EPC1: variants seen among roughly 807,000 people sequenced by gnomAD.
EPC1 encodes enhancer of polycomb homolog 1.
A neutral mutation model predicts 98.4 loss-of-function variants in EPC1; 12 were observed. That is an observed-to-expected ratio of 0.12 (90% CI 0.08 to 0.20). The LOEUF is 0.20. Among genes scored for constraint, EPC1 ranks in the 10% least tolerant of loss-of-function variants. EPC1 has a pLI of 1.00. For missense variants in EPC1, 729 were observed against 990.5 expected, an observed-to-expected ratio of 0.74 and a Z score of 3.54; for synonymous variants, 357 against 363.9, an observed-to-expected ratio of 0.98 and a Z score of 0.21.
At chr10:32,300,273 C>T (rs981221992) in intron 2 of EPC1, among the ~76,000 whole-genome samples, 6 of 151,432 alleles carry the variant, frequency 4.0e-5, no homozygotes, top group Non-Finnish European at 7.4e-5. Flanking sequence ...ACTTTAAGTT[C>T]TAGGGTACAT....
rs146155396 is a variant in EPC1, at chr10:32,273,379, T to C, written c.1745-98A>G. 137 of 1,415,508 alleles carry C rather than the reference T, an allele frequency of 9.7e-5. 1 individual carries two copies. The East Asian group carries it at 3.0e-3, about 31-fold the overall frequency. The allele number at this position is 1,415,508 out of a possible 1,614,324, so 87.7% of individuals were successfully genotyped here. ...AATTCTGCATTAAATCTGTGCAAAA[T>C]TGAAGCATCTGACAAAGGATCATGA... On this transcript the variant is annotated intron_variant, in intron 10 of 13. Coordinates refer to ENST00000319778, the MANE Select transcript of EPC1 (RefSeq NM_001272004.3).
rs1564525761 is a variant in EPC1 at position 32,287,223 on chromosome 10, T to C, written c.1027A>G (p.Lys343Glu). 6.2e-7 allele frequency: 1 copy of C among 1,614,152 alleles called. No homozygotes were observed. The highest frequency in any genetic ancestry group is 8.5e-7 in the Non-Finnish European group (1 of 1,180,034). ...GCAGCGGCAGACGATGGTAAGACTT[T>C]GGGCTTCTTTTCATATTTCCGTTTC... ...RPKRKYEKKP[K>E]VLPSSAAATP... The change falls in exon 7 of 14, where the codon AAA (lysine) becomes GAA (glutamate). Residue 343 changes from lysine to glutamate, a missense_variant. This residue lies in a region of EPC1 where 390 missense variants were observed against 438.6 expected (regional missense o/e 0.89). Transcript: ENST00000319778.
chr10:32,303,621 G>A (rs1365223751), intron 2 of EPC1, among the ~76,000 whole-genome samples: 2 of 152,216 alleles, frequency 1.3e-5, no homozygotes, highest in Non-Finnish European at 2.9e-5. Context: ...GATAACAGAT[G>A]AGTGATGGTC....
At chr10:32,280,713 G>A (rs767435912) in intron 10 of EPC1, among the ~76,000 whole-genome samples, 6 of 152,096 alleles carry the variant, frequency 3.9e-5, no homozygotes, top group Non-Finnish European at 8.8e-5. Flanking sequence ...ACTCCAGCCT[G>A]GGAGACAGAG....
At chr10:32,281,211 T>A (rs2132676876) in intron 10 of EPC1, among the ~76,000 whole-genome samples, 2 of 152,260 alleles carry the variant, frequency 1.3e-5, no homozygotes, top group Middle Eastern at 6.8e-3. Flanking sequence ...ATTTTTGTAT[T>A]TTTAATAGAA....
Position 32,284,769 on chromosome 10 carries a change from G to A in EPC1, c.1673C>T (p.Thr558Ile), listed in dbSNP as rs375077248. Residue 558 changes from threonine (T) to isoleucine (I), a missense_variant, in exon 10 of 14, where the codon ACA (threonine) becomes ATA (isoleucine). This residue lies in a region of EPC1 where 390 missense variants were observed against 438.6 expected (regional missense o/e 0.89). Coordinates refer to ENST00000319778, the MANE Select transcript of EPC1 (RefSeq NM_001272004.3). ...KLYRSINRTG[T>I]AQPGTQTCST... Reference sequence around the variant, plus strand: ...GCATGTCTGGGTCCCAGGTTGTGCTGTTCCTGTTCGGTTTATACTCCTATA... The same window carrying A: ...GCATGTCTGGGTCCCAGGTTGTGCTATTCCTGTTCGGTTTATACTCCTATA... 3 of 1,614,172 alleles carry A rather than the reference G, an allele frequency of 1.9e-6. No individual in the cohort carries two copies. Among genetic ancestry groups the A allele is most frequent in the Non-Finnish European group, 2.5e-6 (3 of 1,180,024 alleles).
At chr10:32,370,251 G>A (rs1839708919) in intron 1 of EPC1, among the ~76,000 whole-genome samples, 1 of 152,134 alleles carries the variant, frequency 6.6e-6, no homozygotes, top group African/African-American at 2.4e-5. Flanking sequence ...TGGTTTCACT[G>A]TCATTAATCT....
rs150578990 is a variant in EPC1, at chr10:32,362,528, A to C, written c.3+15963T>G. 5.3e-5 allele frequency among the ~76,000 whole-genome samples: 8 copies of C among 152,210 alleles called. No homozygotes were observed. In the East Asian group the frequency reaches 1.5e-3, roughly 29 times the overall value. Reference sequence around the variant, plus strand: ...CATTCCCACTTTACCTTCCACCATGACTATGTTTCCTAAGGCCTCCCCGGA... The same window carrying C: ...CATTCCCACTTTACCTTCCACCATGCCTATGTTTCCTAAGGCCTCCCCGGA... On this transcript the variant is annotated intron_variant, in intron 1 of 13. Transcript: ENST00000375110.
At chr10:32,338,306 A>C (rs1398178810) in intron 1 of EPC1, among the ~76,000 whole-genome samples, 1 of 152,088 alleles carries the variant, frequency 6.6e-6, no homozygotes, top group East Asian at 1.9e-4. Context: ...TGGCTCCTCA[A>C]AATATATCTC....
intron 10 of EPC1, chr10:32,281,976 TTTG>T (rs1252847844): frequency 6.7e-6 from 1 of 149,398 alleles, no homozygotes; most frequent in Admixed American, 6.8e-5. Context: ...TGGCCTAAAT[TTTG>T]TTTTTTTTTT....
chr10:32,336,327 C>T (rs1403183204), intron 1 of EPC1, among the ~76,000 whole-genome samples: 2 of 152,198 alleles, frequency 1.3e-5, no homozygotes, highest in East Asian at 3.9e-4. Context: ...CTCGGCTTCT[C>T]AAAGTGCTGG....
At chr10:32,300,653 C>T (rs909763335) in intron 2 of EPC1, among the ~76,000 whole-genome samples, 4 of 151,800 alleles carry the variant, frequency 2.6e-5, no homozygotes, top group Non-Finnish European at 4.4e-5. Flanking sequence ...AGGCTGGTCT[C>T]GAACTCCCGA....
At chr10:32,354,177 A>G (rs1839204169) in intron 1 of EPC1, among the ~76,000 whole-genome samples, 1 of 152,246 alleles carries the variant, frequency 6.6e-6, no homozygotes, top group South Asian at 2.1e-4. Context: ...AATAAAGGGC[A>G]AATTATCAAT....
upstream of EPC1, among the ~76,000 whole-genome samples, chr10:32,350,324 G>A (rs370711090): frequency 2.6e-5 from 4 of 152,334 alleles, no homozygotes; most frequent in African/African-American, 9.6e-5. Flanking sequence ...AAGTGGCAAG[G>A]CAGTATAATG....
In EPC1 at chr10:32,315,547, GTGA is replaced by G. The variant is rs548147375; in HGVS notation, c.154-9619_154-9617del. Among the ~76,000 whole-genome samples, 367 of 152,240 alleles carry G rather than the reference GTGA, an allele frequency of 2.4e-3. 4 individuals carry two copies. Among genetic ancestry groups the G allele is most frequent in the African/African-American group, 8.3e-3 (346 of 41,546 alleles). On this transcript the variant is annotated intron_variant, in intron 1 of 13. Coordinates refer to ENST00000319778, the MANE Select transcript of EPC1 (RefSeq NM_001272004.3). ...TACAAAATTCCATATGTGTAAATAA[GTGA>G]TGACTAATTATGTAAGAAGCTACTT...
At chr10:32,361,543 T>C (rs1839443508) in intron 1 of EPC1, among the ~76,000 whole-genome samples, 1 of 152,218 alleles carries the variant, frequency 6.6e-6, no homozygotes, top group South Asian at 2.1e-4. Context: ...TCTTTTCTCT[T>C]TTCTGCATTT....
At chr10:32,269,278 G>A (rs1007310770) in intron 13 of EPC1, 143 bp from the exon 14 acceptor site, 58 of 609,436 alleles carry the variant, frequency 9.5e-5, no homozygotes, top group African/African-American at 9.1e-4. Flanking sequence ...AGAGGAATAC[G>A]AATCTTTATA....
chr10:32,287,499 TTC>T (rs377746364), intron 6 of EPC1, among the ~76,000 whole-genome samples: 11 of 152,282 alleles, frequency 7.2e-5, no homozygotes, highest in African/African-American at 2.6e-4. Flanking sequence ...ACACAAATGA[TTC>T]TGTTTCAATT....
At chr10:32,288,794 A>G (rs964758007) in intron 6 of EPC1, among the ~76,000 whole-genome samples, 10 of 152,054 alleles carry the variant, frequency 6.6e-5, no homozygotes, top group African/African-American at 2.4e-4. Context: ...ACATTAAAAT[A>G]GTTAAGAGTG....
Sources: gnomAD v4.1 joint callset for allele counts (sites outside exome capture counted in the v4.1 genomes callset) on GRCh38, gnomAD v4.1.1 for gene constraint, gnomAD v4.1.1 regional missense constraint, MANE v1.5 for transcripts, NCBI Gene and HGNC (gene_info 2026-07-23, HGNC 2026-07-21) for gene names.